Variants in RPS19 observed in about 807,000 individuals in gnomAD.
RPS19 encodes small ribosomal subunit protein eS19.
In RPS19, 1 loss-of-function variant was observed where a neutral mutation model predicts 20.3. That is an observed-to-expected ratio of 0.05 (90% CI 0.02 to 0.23). RPS19 has a LOEUF of 0.23. RPS19 is among the 10% of genes least tolerant of loss of function. The probability of loss-of-function intolerance (pLI) is 1.00; values close to 1 mark genes in which losing one functional copy is unlikely to be tolerated. For missense variants in RPS19, 111 were observed against 192.7 expected, an observed-to-expected ratio of 0.58 and a Z score of 2.51; for synonymous variants, 87 against 74.8, an observed-to-expected ratio of 1.16 and a Z score of -0.84.
intron 5 of RPS19, 124 bp from the exon 6 acceptor site, chr19:41,871,225 TGA>T: frequency 1.2e-6 from 1 of 817,564 alleles, no homozygotes; most frequent in Admixed American, 1.7e-5. Context: ...GAGAATTAGA[TGA>T]GATAGATGCA....
In RPS19 at chr19:41,871,656, C is replaced by A; in HGVS notation, c.*279C>A. The A allele has an allele frequency of 2.2e-6, 1 of 449,242 alleles. No individual in the cohort carries two copies. Among genetic ancestry groups the A allele is most frequent in the Non-Finnish European group, 4.1e-6 (1 of 245,518 alleles). 27.8% of individuals were successfully genotyped at this position (449,242 alleles called of 1,614,324 possible). A position where few individuals can be genotyped will look rare whatever the true frequency, so the allele number is the denominator to read the frequency against. On this transcript the variant is annotated 3_prime_UTR_variant, in exon 6 of 6. Coordinates refer to ENST00000598742, the MANE Select transcript of RPS19 (RefSeq NM_001022.4). ...CCTCCCTTCCCTTGGGTGAGGGGGC[C>A]CAGGGTGATTGGGTGGCTGTTTACC...
In RPS19 at chr19:41,862,651, TTA is replaced by T. The variant is rs1491011753; in HGVS notation, c.172+1440_172+1441del. Among the ~76,000 whole-genome samples, 357 of 151,326 alleles carry T rather than the reference TTA, an allele frequency of 2.4e-3. 2 individuals are homozygous for T. Among genetic ancestry groups the T allele is most frequent in the African/African-American group, 8.4e-3 (343 of 40,990 alleles). On this transcript the variant is annotated intron_variant, in intron 3 of 5. Transcript: ENST00000598742. ...GTCTTGTACATTTTTTTTTTTTTTT[TTA>T]ACATGGGGAGGGATTAACAAGAGAT...
chr19:41,871,417 T>A lies in RPS19; in HGVS notation c.*40T>A, dbSNP rs112793466. On this transcript the variant is annotated 3_prime_UTR_variant, in exon 6 of 6. Coordinates refer to ENST00000598742, the MANE Select transcript of RPS19 (RefSeq NM_001022.4). ...GGTTAATAAATTGCCTCATTCGTAA[T>A]CCTGGTCTGGGTCTCTTTTTTGAGT... 1 of 1,597,752 alleles carries A rather than the reference T, an allele frequency of 6.3e-7. No individual in the cohort carries two copies. The highest frequency in any genetic ancestry group is 8.6e-7 in the Non-Finnish European group (1 of 1,165,832).
chr19:41,868,497 C>T (rs1195114034), intron 3 of RPS19, among the ~76,000 whole-genome samples: 5 of 152,156 alleles, frequency 3.3e-5, no homozygotes, highest in South Asian at 2.1e-4. Flanking sequence ...CTGGATTTTA[C>T]GGAGCTTTTT....
intron 3 of RPS19, 66 bp from the exon 4 acceptor site, chr19:41,868,965 C>A: frequency 6.7e-7 from 1 of 1,495,504 alleles, no homozygotes; most frequent in Non-Finnish European, 9.3e-7. Flanking sequence ...GCTGTTTACA[C>A]ACAAGGAATT....
chr19:41,862,329 C>T (rs1485551480), intron 3 of RPS19, among the ~76,000 whole-genome samples: 3 of 152,182 alleles, frequency 2.0e-5, no homozygotes, highest in Non-Finnish European at 2.9e-5. Context: ...GCCGCGGCCT[C>T]TGAGGACTGA....
In RPS19 at chr19:41,861,160, C is replaced by G. The variant is rs781833287; in HGVS notation, c.120C>G (p.Ala40=). ...VPEWVDTVKL[A]KHKELAPYDE... is the part of the protein sequence containing the mutation. Reference sequence around the variant, plus strand: ...AATGGGTGGATACCGTCAAGCTGGCCAAGCACAAAGAGCTTGCTCCCTACG... The same window carrying G: ...AATGGGTGGATACCGTCAAGCTGGCGAAGCACAAAGAGCTTGCTCCCTACG... Residue 40 remains alanine, a synonymous_variant, in exon 3 of 6, where the codon GCC becomes GCG. Coordinates refer to ENST00000598742, the MANE Select transcript of RPS19 (RefSeq NM_001022.4). 3.1e-6 allele frequency: 5 copies of G among 1,614,054 alleles called. 1 individual carries two copies. The South Asian group carries it at 5.5e-5, about 18-fold the overall frequency.
In RPS19 at chr19:41,860,268, C is replaced by G. The variant is rs2074012582; in HGVS notation, c.-22C>G. 1 of 153,160 alleles carries G rather than the reference C, an allele frequency of 6.5e-6. No homozygotes were observed. Among genetic ancestry groups the G allele is most frequent in the Non-Finnish European group, 1.5e-5 (1 of 68,360 alleles). 9.5% of individuals were successfully genotyped at this position (153,160 alleles called of 1,614,324 possible). ...AACCCCGTCGTTCCCTTTCCCCTGG[C>G]TGGCAGCGCGGAGGCCGCACGGTAA... On this transcript the variant is annotated 5_prime_UTR_variant, in exon 1 of 6. Transcript: ENST00000598742.
chr19:41,862,364 G>T (rs1358366941), intron 3 of RPS19, among the ~76,000 whole-genome samples: 2 of 152,114 alleles, frequency 1.3e-5, no homozygotes, highest in African/African-American at 4.8e-5. Flanking sequence ...GAGGTGGGTC[G>T]GGTTGCTGGC....
At chr19:41,866,237 A>G (rs1057496831) in intron 3 of RPS19, among the ~76,000 whole-genome samples, 9 of 152,030 alleles carry the variant, frequency 5.9e-5, no homozygotes, top group Admixed American at 3.9e-4. Context: ...TAGGCAACAG[A>G]GAAAGACTCC....
At chr19:41,860,365 G>C (rs1426754704) in intron 1 of RPS19, 76 bp downstream of exon 1, 2 of 157,734 alleles carry the variant, frequency 1.3e-5, no homozygotes, top group African/African-American at 2.4e-5. Context: ...GCGTGCCTGA[G>C]GGCCCCGAGG....
At chr19:41,867,052 A>G (rs1235193723) in intron 3 of RPS19, among the ~76,000 whole-genome samples, 3 of 146,044 alleles carry the variant, frequency 2.1e-5, no homozygotes, top group Non-Finnish European at 4.5e-5. Context: ...GCACAGTGGC[A>G]CACACCTGTA....
At chr19:41,861,953 A>C (rs1420753905) in intron 3 of RPS19, among the ~76,000 whole-genome samples, 1 of 152,210 alleles carries the variant, frequency 6.6e-6, no homozygotes, top group Non-Finnish European at 1.5e-5. Flanking sequence ...TACTCACTAA[A>C]TCTTCACTTT....
chr19:41,862,384 AC>A (rs1343720636), intron 3 of RPS19, among the ~76,000 whole-genome samples: 1 of 152,106 alleles, frequency 6.6e-6, no homozygotes, highest in Non-Finnish European at 1.5e-5. Context: ...CATACCACCT[AC>A]CCACCGTTTG....
chr19:41,866,107 G>C (rs2074086197), intron 3 of RPS19, among the ~76,000 whole-genome samples: 1 of 151,878 alleles, frequency 6.6e-6, no homozygotes, highest in Admixed American at 6.6e-5. Flanking sequence ...CAAAACATTA[G>C]CCAGGTGTGG....
At position 41,870,127 on chromosome 19, in the gene RPS19, A is replaced by T. The variant is rs539521497; in HGVS notation, c.411+374A>T. 2.3e-4 allele frequency among the ~76,000 whole-genome samples: 35 copies of T among 152,230 alleles called. No individual in the cohort carries two copies. The East Asian group carries it at 4.8e-3, about 21-fold the overall frequency. ...TGTGGTGGCACATTCCTGTAATCTC[A>T]GCTACTGGGGAGGCTGAGGCACAAA... On this transcript the variant is annotated intron_variant, in intron 5 of 5. Transcript: ENST00000598742.
At chr19:41,865,894 A>G (rs553773263) in intron 3 of RPS19, among the ~76,000 whole-genome samples, 1 of 137,022 alleles carries the variant, frequency 7.3e-6, no homozygotes, top group South Asian at 2.5e-4. Context: ...GCTTGCAGTG[A>G]GCTGAGATCA....
intron 3 of RPS19, among the ~76,000 whole-genome samples, 163 bp from the exon 4 acceptor site, chr19:41,868,868 G>A (rs1361652776): frequency 3.3e-5 from 5 of 151,244 alleles, no homozygotes; most frequent in East Asian, 3.9e-4. Flanking sequence ...AGAGCTAGCC[G>A]GGGGGGTGGG....
chr19:41,867,521 A>G (rs1439276291), intron 3 of RPS19, among the ~76,000 whole-genome samples: 11 of 152,214 alleles, frequency 7.2e-5, no homozygotes, highest in Non-Finnish European at 1.5e-5. Flanking sequence ...CATGTTGGCC[A>G]GGCTGGTCTC....
Sources: allele counts gnomAD v4.1 joint callset (sites outside exome capture counted in the v4.1 genomes callset), GRCh38; gene constraint gnomAD v4.1.1; transcripts MANE v1.5; gene names NCBI Gene and HGNC (gene_info 2026-07-23, HGNC 2026-07-21).